The following TMEM232 variants were observed in gnomAD, a reference collection of about 807,000 sequenced individuals.
The protein encoded by TMEM232 is transmembrane protein 232.
In TMEM232, 80 loss-of-function variants were observed where a neutral mutation model predicts 78.8. The ratio of observed to expected loss-of-function variants is 1.01; its 90% confidence interval spans 0.85 to 1.22. TMEM232 has a LOEUF of 1.22. Among genes scored for constraint, TMEM232 ranks in the 50% most tolerant of loss-of-function variants. The pLI, the probability that TMEM232 is intolerant of heterozygous loss-of-function variation, is 0.00. For missense variants in TMEM232, 881 were observed against 742.2 expected, an observed-to-expected ratio of 1.19 and a Z score of -2.17; for synonymous variants, 297 against 254.3, an observed-to-expected ratio of 1.17 and a Z score of -1.60.
At chr5:110,689,785 G>C (rs987499956) in intron 1 of TMEM232, among the ~76,000 whole-genome samples, 8 of 152,090 alleles carry the variant, frequency 5.3e-5, no homozygotes, top group African/African-American at 1.7e-4. Flanking sequence ...TACCAAAACA[G>C]ATATATAGAC....
intron 6 of TMEM232, among the ~76,000 whole-genome samples, chr5:110,627,299 T>A (rs915829835): frequency 6.6e-6 from 1 of 151,940 alleles, no homozygotes; most frequent in Non-Finnish European, 1.5e-5. Context: ...TAGATACTAT[T>A]ACAAATAAGA....
chr5:110,732,248 T>G (rs1798737643), intron 2 of TMEM232, among the ~76,000 whole-genome samples: 1 of 152,188 alleles, frequency 6.6e-6, no homozygotes. Flanking sequence ...GTTCCAAACT[T>G]TCCCATATTT....
chr5:110,659,176 G>A (rs1266405147), intron 2 of TMEM232, among the ~76,000 whole-genome samples: 6 of 152,070 alleles, frequency 3.9e-5, no homozygotes, highest in Admixed American at 2.0e-4. Flanking sequence ...AGGTGTCAGT[G>A]GATAAATTAA....
intron 5 of TMEM232, among the ~76,000 whole-genome samples, chr5:110,637,329 T>TACATAATTTCTATTATGTATCTA: frequency 1.3e-5 from 2 of 151,730 alleles, no homozygotes; most frequent in South Asian, 2.1e-4. Flanking sequence ...TATTATGTAT[T>TACATAATTTCTATTATGTATCTA]CTCTGTATCT....
At chr5:110,626,274 G>A (rs1320080460) in intron 6 of TMEM232, among the ~76,000 whole-genome samples, 2 of 151,918 alleles carry the variant, frequency 1.3e-5, no homozygotes, top group African/African-American at 4.8e-5. Context: ...AAGTTGATCT[G>A]CCATAATCAT....
At chr5:110,523,612 A>G (rs185572546) in intron 12 of TMEM232, among the ~76,000 whole-genome samples, 2 of 152,202 alleles carry the variant, frequency 1.3e-5, no homozygotes, top group Admixed American at 1.3e-4. Context: ...CTAATTTTAA[A>G]AAAATTATTC....
At position 110,607,035 on chromosome 5, in the gene TMEM232, T is replaced by G. The variant is rs554721019; in HGVS notation, c.903-748A>C. Among the ~76,000 whole-genome samples, 6 of 152,122 alleles carry G rather than the reference T, an allele frequency of 3.9e-5. No homozygotes were observed. The East Asian group carries it at 9.6e-4, about 24-fold the overall frequency. On this transcript the variant is annotated intron_variant, in intron 8 of 13. Transcript: ENST00000455884. ...TTAAAAGTTAGTATATTTTACAAGA[T>G]TATTTGAATTTCACAACTGTGATAT...
In TMEM232 at chr5:110,707,094, C is replaced by G. The variant is rs946541986; in HGVS notation, c.-13+19533G>C. Among the ~76,000 whole-genome samples, 2 of 152,258 alleles carry G rather than the reference C, an allele frequency of 1.3e-5. 1 individual carries two copies. The highest frequency in any genetic ancestry group is 6.8e-3 in the Middle Eastern group (2 of 294). On this transcript the variant is annotated intron_variant, in intron 1 of 13. Coordinates refer to ENST00000455884, the MANE Select transcript of TMEM232 (RefSeq NM_001039763.4). Reference sequence around the variant, plus strand: ...AATTGTAAAAGTGGAAGCAAGATGGCAGAATAGAAGCCTACACCACTTGGC... The same window carrying G: ...AATTGTAAAAGTGGAAGCAAGATGGGAGAATAGAAGCCTACACCACTTGGC...
chr5:110,536,576 GCTC>G (rs574793481), intron 11 of TMEM232, among the ~76,000 whole-genome samples: 69 of 152,312 alleles, frequency 4.5e-4, no homozygotes, highest in Non-Finnish European at 8.4e-4. Context: ...GGCAGCAACA[GCTC>G]CTCCAGAGTG....
chr5:110,402,676 G>A (rs1286953001), intron 2 of TMEM232, among the ~76,000 whole-genome samples: 1 of 152,060 alleles, frequency 6.6e-6, no homozygotes, highest in African/African-American at 2.4e-5. Context: ...CTAACAACAT[G>A]CTGCTGATGA....
chr5:110,391,326 T>TGTGTGTGTGAGA (rs549361387), intron 3 of TMEM232, among the ~76,000 whole-genome samples: 236 of 139,898 alleles, frequency 1.7e-3, no homozygotes, highest in East Asian at 6.3e-3. Context: ...TGTGTGTGTG[T>TGTGTGTGTGAGA]GAGAGAGAGA....
At chr5:110,567,008 G>A (rs563513062) in intron 11 of TMEM232, among the ~76,000 whole-genome samples, 1 of 152,004 alleles carries the variant, frequency 6.6e-6, no homozygotes, top group African/African-American at 2.4e-5. Flanking sequence ...AGGCAAGAGA[G>A]CATGTGCAGG....
At chr5:110,523,712 G>T (rs1045101043) in intron 12 of TMEM232, among the ~76,000 whole-genome samples, 1 of 152,004 alleles carries the variant, frequency 6.6e-6, no homozygotes, top group African/African-American at 2.4e-5. Flanking sequence ...CAGCAGTTTG[G>T]GAGGTAAAAG....
At chr5:110,658,733 T>C (rs1344462639) in intron 2 of TMEM232, among the ~76,000 whole-genome samples, 2 of 152,050 alleles carry the variant, frequency 1.3e-5, no homozygotes, top group Non-Finnish European at 2.9e-5. Context: ...CCAAAGAGGG[T>C]TAATTGGTAG....
intron 2 of TMEM232, among the ~76,000 whole-genome samples, chr5:110,646,987 G>C (rs760606692): frequency 6.6e-6 from 1 of 150,554 alleles, no homozygotes; most frequent in South Asian, 2.1e-4. Flanking sequence ...TAAATTATCA[G>C]AATTTAAAAA....
In TMEM232 at chr5:110,600,588, A is replaced by G. The variant is rs185504697; in HGVS notation, c.1276+4521T>C. On this transcript the variant is annotated intron_variant, in intron 10 of 13. Coordinates refer to ENST00000455884, the MANE Select transcript of TMEM232 (RefSeq NM_001039763.4). ...AAGAAATGGATAAATTCCTGGACCC[A>G]TACACCCTCCCAAGACTAAATCAGG... Among the ~76,000 whole-genome samples the G allele has an allele frequency of 2.6e-5, 4 of 152,284 alleles. No homozygotes were observed. The East Asian group carries it at 7.7e-4, about 29-fold the overall frequency.
At chr5:110,532,750 AC>A (rs1306138969) in intron 11 of TMEM232, among the ~76,000 whole-genome samples, 2 of 151,512 alleles carry the variant, frequency 1.3e-5, no homozygotes, top group African/African-American at 2.4e-5. Context: ...AGATAACTCT[AC>A]CCCGTCCTTG....
chr5:110,577,122 A>G (rs545652081), intron 10 of TMEM232, among the ~76,000 whole-genome samples: 1 of 152,244 alleles, frequency 6.6e-6, no homozygotes, highest in African/African-American at 2.4e-5. Context: ...ATTTTTGCAC[A>G]TTATGTATCT....
rs185144871 is a variant in TMEM232 at position 110,521,539 on chromosome 5, C to T, written c.1703+7049G>A. On this transcript the variant is annotated intron_variant, in intron 12 of 13. Transcript: ENST00000455884. The stretch of plus-strand genomic sequence containing the variant: ...AAGAAAACATTGTAAAGATCAACGT[C>T]AAGAAGTTTTCCTCCTTTGCTGCTT... 1.0e-3 allele frequency among the ~76,000 whole-genome samples: 156 copies of T among 152,262 alleles called. 1 individual carries two copies. Among genetic ancestry groups the T allele is most frequent in the Middle Eastern group, 6.8e-3 (2 of 294 alleles).
Sources: allele counts gnomAD v4.1 joint callset (sites outside exome capture counted in the v4.1 genomes callset), GRCh38; gene constraint gnomAD v4.1.1; transcripts MANE v1.5; gene names NCBI Gene and HGNC (gene_info 2026-07-23, HGNC 2026-07-21).